HAPSTR1: variants seen among roughly 807,000 people sequenced by gnomAD.
The protein encoded by HAPSTR1 is HUWE1-associated protein modifying stress responses 1.
the HAPSTR1 span, chr16:9,120,100 T>C: frequency 2.6e-4 from 39 of 152,380 alleles, no homozygotes; most frequent in African/African-American, 8.9e-4. Context: ...TTATGTAGTA[T>C]GTTGTAACCT....
chr16:9,120,836 C>G, the HAPSTR1 span: 1 of 151,960 alleles, frequency 6.6e-6, no homozygotes, highest in Non-Finnish European at 1.5e-5. Flanking sequence ...TGCCACCACA[C>G]CTGGCTATTT....
chr16:9,120,038 T>G, the HAPSTR1 span: 5 of 152,252 alleles, frequency 3.3e-5, no homozygotes, highest in African/African-American at 1.2e-4. Context: ...TTGGCCTGGC[T>G]ACTACCTCTA....
At chr16:9,103,160 A>G in the HAPSTR1 span, 1 of 1,614,180 alleles carries the variant, frequency 6.2e-7, no homozygotes, top group Non-Finnish European at 8.5e-7. Context: ...AGCTCCCCCA[A>G]GACTGACTGT....
the HAPSTR1 span, among the ~76,000 whole-genome samples, chr16:9,097,935 TC>T: frequency 1.3e-5 from 2 of 152,178 alleles, no homozygotes; most frequent in Non-Finnish European, 2.9e-5. Context: ...GGAGGGAGCT[TC>T]TCTCGAAACA....
At chr16:9,106,933 C>G in the HAPSTR1 span, 1 of 152,170 alleles carries the variant, frequency 6.6e-6, no homozygotes, top group African/African-American at 2.4e-5. Flanking sequence ...GCCTGCCATT[C>G]TCATTGGTCC....
At chr16:9,112,768 G>C in the HAPSTR1 span, 1 of 152,172 alleles carries the variant, frequency 6.6e-6, no homozygotes, top group Non-Finnish European at 1.5e-5. Flanking sequence ...GCTCCAGTGG[G>C]AGTTTCCTTT....
chr16:9,108,439 A>G, the HAPSTR1 span: 1 of 152,190 alleles, frequency 6.6e-6, no homozygotes, highest in Admixed American at 6.5e-5. Context: ...CCCAACCTCG[A>G]CCTTCCGAAG....
At chr16:9,102,919 C>T in the HAPSTR1 span, 1 of 1,527,650 alleles carries the variant, frequency 6.5e-7, no homozygotes, top group Non-Finnish European at 8.8e-7. Flanking sequence ...AAATGGTTTT[C>T]TTTAGAAGGG....
chr16:9,108,944 G>C, the HAPSTR1 span: 1 of 152,146 alleles, frequency 6.6e-6, no homozygotes, highest in African/African-American at 2.4e-5. Flanking sequence ...TCCAGGTCCG[G>C]TGGGTACCCT....
the HAPSTR1 span, chr16:9,103,253 C>A: frequency 6.2e-7 from 1 of 1,612,456 alleles, no homozygotes; most frequent in Non-Finnish European, 8.5e-7. Flanking sequence ...AGCCATAGCT[C>A]TGCATGGTAA....
chr16:9,116,883 C>T, the HAPSTR1 span: 3 of 1,614,144 alleles, frequency 1.9e-6, no homozygotes, highest in Non-Finnish European at 2.5e-6. Context: ...TACAGACTCA[C>T]CAACCCATAA....
At chr16:9,092,050 G>C in the HAPSTR1 span, 1 of 1,520,838 alleles carries the variant, frequency 6.6e-7, no homozygotes, top group South Asian at 1.2e-5. Context: ...GGAGGATGGA[G>C]GAGCGGAAGG....
the HAPSTR1 span, chr16:9,091,856 G>A: frequency 2.4e-6 from 1 of 421,088 alleles, no homozygotes; most frequent in African/African-American, 2.1e-5. Context: ...GGTCGTCCCT[G>A]GTTGCACGGG....
chr16:9,092,892 GTT>G, the HAPSTR1 span: 2,382 of 1,239,262 alleles, frequency 1.9e-3, no homozygotes, highest in Non-Finnish European at 2.2e-3. Flanking sequence ...TTTCTTTTTG[GTT>G]TTTTTTTTTT....
chr16:9,096,693 G>C, the HAPSTR1 span, among the ~76,000 whole-genome samples: 1 of 152,136 alleles, frequency 6.6e-6, no homozygotes, highest in Non-Finnish European at 1.5e-5. Flanking sequence ...TTGAGACTTT[G>C]TTCAAAATAC....
chr16:9,092,412 C>T, the HAPSTR1 span: 2 of 718,436 alleles, frequency 2.8e-6, no homozygotes, highest in South Asian at 1.4e-4. Flanking sequence ...GCGGCCCTGC[C>T]GCCCCCTCCC....
the HAPSTR1 span, chr16:9,119,232 C>T: frequency 6.6e-6 from 1 of 152,240 alleles, no homozygotes; most frequent in Non-Finnish European, 1.5e-5. Flanking sequence ...TAATGATTTC[C>T]CTCAGGAAAA....
chr16:9,095,684 G>A, the HAPSTR1 span, among the ~76,000 whole-genome samples: 1 of 151,866 alleles, frequency 6.6e-6, no homozygotes, highest in Non-Finnish European at 1.5e-5. Flanking sequence ...AGTTGTCAGA[G>A]GGCTTTTGAA....
chr16:9,117,029 G>T, the HAPSTR1 span: 1 of 1,428,078 alleles, frequency 7.0e-7, no homozygotes, highest in Admixed American at 2.2e-5. Flanking sequence ...TAAGACAAGT[G>T]AATTCTATAG....
Sources: gnomAD v4.1 joint callset for allele counts (sites outside exome capture counted in the v4.1 genomes callset) on GRCh38, gnomAD v4.1.1 for gene constraint, MANE v1.5 for transcripts, NCBI Gene and HGNC (gene_info 2026-07-23, HGNC 2026-07-21) for gene names.